Variants in THSD7B observed in about 807,000 individuals in gnomAD.
THSD7B encodes the protein thrombospondin type-1 domain-containing protein 7B.
In THSD7B, 138 loss-of-function variants were observed where a neutral mutation model predicts 213.6. That is an observed-to-expected ratio of 0.65 (90% CI 0.56 to 0.74). THSD7B has a LOEUF of 0.74. Among genes scored for constraint, THSD7B ranks in the 30% least tolerant of loss-of-function variants. The probability of loss-of-function intolerance (pLI) is 0.00; values close to 1 mark genes in which losing one functional copy is unlikely to be tolerated. For synonymous variants in THSD7B, 742 were observed against 687.0 expected (o/e 1.08, Z -1.25); for missense variants, 1,931 against 1,991.5 (o/e 0.97, Z 0.58).
At chr2:137,167,623 G>A (rs192089549) in intron 6 of THSD7B, among the ~76,000 whole-genome samples, 68 of 152,054 alleles carry the variant, frequency 4.5e-4, no homozygotes, top group Admixed American at 3.9e-3. Flanking sequence ...CCATCTGCTC[G>A]TCTTCCCTTT....
At chr2:137,535,559 C>T (rs969451013) in intron 15 of THSD7B, among the ~76,000 whole-genome samples, 14 of 151,806 alleles carry the variant, frequency 9.2e-5, no homozygotes, top group South Asian at 2.1e-4. Flanking sequence ...ACTTTATACC[C>T]GGTGCCTAAC....
chr2:137,047,646 T>G (rs7606593), intron 2 of THSD7B, among the ~76,000 whole-genome samples: 57,220 of 152,058 alleles, frequency 0.38, 12,613 homozygotes, highest in African/African-American at 0.61. Flanking sequence ...GGTCCACCAG[T>G]AGTGCGGCTG....
At chr2:137,272,277 G>A (rs939729705) in intron 10 of THSD7B, among the ~76,000 whole-genome samples, 5 of 152,032 alleles carry the variant, frequency 3.3e-5, no homozygotes, top group African/African-American at 1.2e-4. Flanking sequence ...CATTGGTAAG[G>A]TAGATTCTAA....
At chr2:136,805,936 A>G (rs1415436176) in intron 1 of THSD7B, among the ~76,000 whole-genome samples, 1 of 152,202 alleles carries the variant, frequency 6.6e-6, no homozygotes, top group African/African-American at 2.4e-5. Flanking sequence ...CACCTTTGTA[A>G]GTAAAACCTT....
In THSD7B at chr2:137,111,213, A is replaced by C. The variant is rs967584445; in HGVS notation, c.1200-3911A>C. The stretch of plus-strand genomic sequence containing the variant: ...AGATTAGAAGAGAAGTTATTTTGGC[A>C]GTGTGAAATATTATTGGTCAGCAGA... On this transcript the variant is annotated intron_variant, in intron 4 of 27. Coordinates refer to ENST00000409968, the MANE Select transcript of THSD7B (RefSeq NM_001316349.2). Among the ~76,000 whole-genome samples, 3 of 152,194 alleles carry C rather than the reference A, an allele frequency of 2.0e-5. No homozygotes were observed. The East Asian group carries it at 5.8e-4, about 29-fold the overall frequency.
At chr2:137,486,507 C>A (rs1049280895) in intron 15 of THSD7B, among the ~76,000 whole-genome samples, 2 of 151,068 alleles carry the variant, frequency 1.3e-5, no homozygotes, top group Non-Finnish European at 2.9e-5. Context: ...TCCTTAGTGA[C>A]CTACAAAGAG....
intron 15 of THSD7B, among the ~76,000 whole-genome samples, chr2:137,472,131 T>C (rs1198398189): frequency 6.6e-6 from 1 of 152,240 alleles, no homozygotes; most frequent in Non-Finnish European, 1.5e-5. Flanking sequence ...GCTGTGTTTA[T>C]GTTACATGGT....
intron 2 of THSD7B, among the ~76,000 whole-genome samples, chr2:136,954,100 G>A (rs754913833): frequency 6.6e-6 from 1 of 152,180 alleles, no homozygotes; most frequent in Non-Finnish European, 1.5e-5. Flanking sequence ...CAGGATCCCT[G>A]TAGTCACTGA....
intron 15 of THSD7B, among the ~76,000 whole-genome samples, chr2:137,488,733 T>C (rs982780772): frequency 6.6e-6 from 1 of 152,242 alleles, no homozygotes; most frequent in Non-Finnish European, 1.5e-5. Flanking sequence ...CATTCACTTG[T>C]ATCTTGCCTG....
At chr2:137,421,845 A>G (rs1686937015) in intron 14 of THSD7B, among the ~76,000 whole-genome samples, 2 of 152,230 alleles carry the variant, frequency 1.3e-5, no homozygotes, top group South Asian at 4.1e-4. Context: ...ATCAAGGACT[A>G]TGGGAGTTAT....
intron 15 of THSD7B, among the ~76,000 whole-genome samples, chr2:137,477,271 C>A (rs538634231): frequency 3.2e-4 from 48 of 152,142 alleles, no homozygotes; most frequent in African/African-American, 1.1e-3. Context: ...GACTATTTTT[C>A]TTTCTTCTTA....
intron 14 of THSD7B, among the ~76,000 whole-genome samples, chr2:137,422,097 G>A (rs530287768): frequency 4.4e-4 from 67 of 152,276 alleles, no homozygotes; most frequent in African/African-American, 1.5e-3. Context: ...TTTGCTCAAC[G>A]GTTTGAAGCA....
intron 15 of THSD7B, among the ~76,000 whole-genome samples, chr2:137,462,443 T>C (rs113497681): frequency 2.0e-5 from 3 of 152,238 alleles, no homozygotes; most frequent in African/African-American, 7.2e-5. Flanking sequence ...TCAAATGCTG[T>C]GCATGCTATA....
chr2:137,516,877 CACCATCAAGG>C, intron 15 of THSD7B, among the ~76,000 whole-genome samples: 1 of 152,280 alleles, frequency 6.6e-6, no homozygotes, highest in Admixed American at 6.5e-5. Flanking sequence ...AGATTAGTGC[CACCATCAAGG>C]ACTTGAAAGA....
chr2:136,792,386 G>A (rs1285044371), intron 1 of THSD7B, among the ~76,000 whole-genome samples: 2 of 151,906 alleles, frequency 1.3e-5, no homozygotes, highest in Non-Finnish European at 2.9e-5. Flanking sequence ...AATAGATGGG[G>A]CACAGAATAT....
chr2:137,245,710 A>T (rs1011896842), intron 10 of THSD7B, among the ~76,000 whole-genome samples: 2 of 152,204 alleles, frequency 1.3e-5, no homozygotes, highest in African/African-American at 4.8e-5. Flanking sequence ...TATGGGGCAT[A>T]TAGTTGCTAC....
chr2:137,326,437 C>A (rs1436416504), intron 12 of THSD7B, among the ~76,000 whole-genome samples: 1 of 152,000 alleles, frequency 6.6e-6, no homozygotes, highest in Non-Finnish European at 1.5e-5. Context: ...TAACAAAGTA[C>A]AAACATGCAA....
intron 12 of THSD7B, among the ~76,000 whole-genome samples, chr2:137,404,050 T>C (rs1686438202): frequency 1.3e-5 from 2 of 152,134 alleles, no homozygotes; most frequent in African/African-American, 4.8e-5. Context: ...AACCAAAATA[T>C]TGTGTATTCA....
At position 137,046,496 on chromosome 2, in the gene THSD7B, G is replaced by A. The variant is rs117731243; in HGVS notation, c.140-9924G>A. On this transcript the variant is annotated intron_variant, in intron 2 of 27. Transcript: ENST00000409968. ...TGTCATCCCAGCACTTTGGGAAGGC[G>A]AGGTGGGCAGATCGCCTGAGGTCGG... 3.5e-3 allele frequency among the ~76,000 whole-genome samples: 527 copies of A among 152,194 alleles called. 8 individuals carry two copies. In the East Asian group the frequency reaches 0.043, roughly 12 times the overall value.
Sources: gnomAD v4.1 joint callset for allele counts (sites outside exome capture counted in the v4.1 genomes callset) on GRCh38, gnomAD v4.1.1 for gene constraint, MANE v1.5 for transcripts, NCBI Gene and HGNC (gene_info 2026-07-23, HGNC 2026-07-21) for gene names.